Variants in ERBB4 observed in about 807,000 individuals in gnomAD.
ERBB4 encodes the protein receptor tyrosine-protein kinase erbB-4.
Under a neutral mutation model 158.0 loss-of-function variants are expected in ERBB4, and 42 were observed. The observed-to-expected ratio is 0.27, with a 90% CI of 0.21 to 0.34. The LOEUF is 0.34. ERBB4 is among the 10% of genes least tolerant of loss of function. The probability of loss-of-function intolerance (pLI) is 1.00; values close to 1 mark genes in which losing one functional copy is unlikely to be tolerated. For missense variants in ERBB4, 1,333 were observed against 1,624.1 expected (o/e 0.82, Z 3.08); for synonymous variants, 583 against 558.7 (o/e 1.04, Z -0.61).
At chr2:211,949,053 C>T (rs1359852665) in intron 2 of ERBB4, among the ~76,000 whole-genome samples, 14 of 152,212 alleles carry the variant, frequency 9.2e-5, no homozygotes, top group Non-Finnish European at 1.5e-5. Context: ...TCATCTTTGA[C>T]TCTCCTCTGA....
In ERBB4 at chr2:211,726,638, T is replaced by C. The variant is rs1357305648; in HGVS notation, c.623-1444A>G. On this transcript the variant is annotated intron_variant, in intron 5 of 27. Transcript: ENST00000342788. ...ATTCCTCAGTACTTTCCCTCCTCTC[T>C]ATTCTAACTTTATTCAAAAGCCTAT... is the stretch of plus-strand genomic sequence containing the variant. 2.6e-5 allele frequency among the ~76,000 whole-genome samples: 4 copies of C among 152,336 alleles called. No individual in the cohort carries two copies. The Middle Eastern group carries it at 0.014, about 518-fold the overall frequency.
intron 3 of ERBB4, among the ~76,000 whole-genome samples, chr2:211,883,219 T>C (rs868265480): frequency 6.6e-6 from 1 of 151,980 alleles, no homozygotes; most frequent in Non-Finnish European, 1.5e-5. Flanking sequence ...ACACCGCGTG[T>C]TCTCACTCCT....
At chr2:212,484,268 T>G (rs1299273598) in intron 1 of ERBB4, among the ~76,000 whole-genome samples, 3 of 152,216 alleles carry the variant, frequency 2.0e-5, no homozygotes, top group Admixed American at 2.0e-4. Context: ...AGTTCAGTCT[T>G]CCCTAAACTC....
rs558424082 is a variant in ERBB4, at chr2:212,317,551, G to A, written c.83-192648C>T. 9.2e-5 allele frequency among the ~76,000 whole-genome samples: 14 copies of A among 151,516 alleles called. No individual in the cohort carries two copies. In the South Asian group the frequency reaches 1.7e-3, roughly 18 times the overall value. On this transcript the variant is annotated intron_variant, in intron 1 of 27. Transcript: ENST00000342788. ...AAGAGATCCTTAAACTATATTTTGC[G>A]AAATTAATCATTTTTGTATTATACT...
intron 12 of ERBB4, among the ~76,000 whole-genome samples, chr2:211,687,970 A>G (rs73080799): frequency 0.01 from 1,549 of 152,140 alleles, 24 homozygotes; most frequent in African/African-American, 0.035. Context: ...TTCAAGTTAT[A>G]CTCTACCACT....
chr2:211,524,410 G>A (rs1179814386), intron 20 of ERBB4, among the ~76,000 whole-genome samples: 1 of 151,572 alleles, frequency 6.6e-6, no homozygotes, highest in African/African-American at 2.4e-5. Context: ...CAATGGGACT[G>A]GGTGCCGTGG....
intron 1 of ERBB4, among the ~76,000 whole-genome samples, chr2:212,364,896 C>T (rs908899618): frequency 5.8e-5 from 8 of 137,990 alleles, no homozygotes; most frequent in East Asian, 2.0e-4. Flanking sequence ...TTTGTGTGTG[C>T]GTCTGTGTGT....
chr2:211,965,251 T>C (rs1000919498), intron 2 of ERBB4, among the ~76,000 whole-genome samples: 2 of 152,218 alleles, frequency 1.3e-5, no homozygotes, highest in Non-Finnish European at 2.9e-5. Context: ...ATTCTCAGTA[T>C]GTTACTGAAA....
intron 1 of ERBB4, among the ~76,000 whole-genome samples, chr2:212,223,052 A>G (rs2083348781): frequency 6.6e-6 from 1 of 151,336 alleles, no homozygotes; most frequent in African/African-American, 2.4e-5. Flanking sequence ...GTTTAAAATA[A>G]CTCTTAGGGG....
At chr2:212,310,303 C>T (rs2086982050) in intron 1 of ERBB4, among the ~76,000 whole-genome samples, 1 of 150,680 alleles carries the variant, frequency 6.6e-6, no homozygotes, top group African/African-American at 2.4e-5. Context: ...TTGTTCAAGA[C>T]ATCAAATTTA....
rs6435703 is a variant in ERBB4 at position 212,443,226 on chromosome 2, G to A, written c.82+95223C>T. Among the ~76,000 whole-genome samples, 1,434 of 152,322 alleles carry A rather than the reference G, an allele frequency of 9.4e-3. 21 individuals are homozygous for A. The highest frequency in any genetic ancestry group is 0.033 in the African/African-American group (1,355 of 41,564). ...TTTGTGTCATAATCTTATTCTGACA[G>A]ACCTTGATCACTTTTCATCTCCACA... On this transcript the variant is annotated intron_variant, in intron 1 of 27. Transcript: ENST00000342788.
intron 20 of ERBB4, among the ~76,000 whole-genome samples, chr2:211,499,759 G>A (rs4358067): frequency 0.4 from 60,313 of 151,770 alleles, 12,649 homozygotes; most frequent in African/African-American, 0.53. Flanking sequence ...CTTTCTAGGT[G>A]AAGATACCCC....
chr2:212,455,112 C>T lies in ERBB4; in HGVS notation c.82+83337G>A, dbSNP rs550693387. On this transcript the variant is annotated intron_variant, in intron 1 of 27. Coordinates refer to ENST00000342788, the MANE Select transcript of ERBB4 (RefSeq NM_005235.3). The stretch of plus-strand genomic sequence containing the variant: ...CTAAGTCATAACTTAATGGACCTTG[C>T]TGCTGTATTTGAATTGAGGACTTCA... Among the ~76,000 whole-genome samples, 3 of 152,280 alleles carry T rather than the reference C, an allele frequency of 2.0e-5. No homozygotes were observed. The South Asian group carries it at 6.2e-4, about 32-fold the overall frequency.
chr2:212,053,737 C>T (rs974207643), intron 2 of ERBB4, among the ~76,000 whole-genome samples: 1 of 152,176 alleles, frequency 6.6e-6, no homozygotes, highest in African/African-American at 2.4e-5. Flanking sequence ...ACTCCCCAAG[C>T]TATCTCTCCG....
intron 25 of ERBB4, among the ~76,000 whole-genome samples, chr2:211,398,114 T>C (rs1484111461): frequency 6.6e-6 from 1 of 152,198 alleles, no homozygotes; most frequent in Non-Finnish European, 1.5e-5. Context: ...CTGCTTGTCT[T>C]TCTTTGCTTG....
chr2:212,399,622 T>A (rs2091141909), intron 1 of ERBB4, among the ~76,000 whole-genome samples: 2 of 138,558 alleles, frequency 1.4e-5, no homozygotes, highest in Admixed American at 1.6e-4. Context: ...CCCAGCACTT[T>A]GGGAGGTCGA....
At chr2:212,493,061 C>T (rs1690366085) in intron 1 of ERBB4, among the ~76,000 whole-genome samples, 1 of 151,288 alleles carries the variant, frequency 6.6e-6, no homozygotes, top group South Asian at 2.1e-4. Context: ...GTGTTAAATA[C>T]ATTCTGATTA....
intron 2 of ERBB4, among the ~76,000 whole-genome samples, chr2:212,109,469 C>G (rs1292946462): frequency 5.3e-5 from 8 of 152,198 alleles, no homozygotes; most frequent in Admixed American, 5.2e-4. Flanking sequence ...CCAAGGTCAA[C>G]ACACCCACTT....
intron 2 of ERBB4, among the ~76,000 whole-genome samples, chr2:212,047,674 G>A (rs1252561457): frequency 1.3e-5 from 2 of 150,642 alleles, no homozygotes; most frequent in African/African-American, 4.9e-5. Context: ...AGTAGAGATG[G>A]GGTTTCACCA....
Sources: allele counts gnomAD v4.1 joint callset (sites outside exome capture counted in the v4.1 genomes callset), GRCh38; gene constraint gnomAD v4.1.1; transcripts MANE v1.5; gene names NCBI Gene and HGNC (gene_info 2026-07-23, HGNC 2026-07-21).